Variants in ETS1 observed in about 807,000 individuals in gnomAD.
ETS1 encodes ETS proto-oncogene 1, transcription factor, also known as protein C-ets-1.
A neutral mutation model predicts 58.6 loss-of-function variants in ETS1; 15 were observed. The ratio of observed to expected loss-of-function variants is 0.26; its 90% confidence interval spans 0.17 to 0.39. The LOEUF is 0.39. Among genes scored for constraint, ETS1 ranks in the 10% least tolerant of loss-of-function variants. The probability of loss-of-function intolerance (pLI) is 1.00; values close to 1 mark genes in which losing one functional copy is unlikely to be tolerated. For missense variants in ETS1, 417 were observed against 610.5 expected (o/e 0.68, Z 3.34); for synonymous variants, 214 against 218.2 (o/e 0.98, Z 0.17).
intron 1 of ETS1, among the ~76,000 whole-genome samples, chr11:128,577,429 C>T (rs1213189604): frequency 6.6e-6 from 1 of 152,202 alleles, no homozygotes; most frequent in Non-Finnish European, 1.5e-5. Context: ...TGTTCGTTGT[C>T]TTCTCCAAAG....
At chr11:128,584,486 C>G (rs1432958547) in intron 1 of ETS1, among the ~76,000 whole-genome samples, 1 of 152,122 alleles carries the variant, frequency 6.6e-6, no homozygotes, top group East Asian at 1.9e-4. Flanking sequence ...GTGCCCACCT[C>G]AAAACTTCAT....
At position 128,463,889 on chromosome 11, in the gene ETS1, T is replaced by G; in HGVS notation, c.1124-262A>C. On this transcript the variant is annotated intron_variant, in intron 8 of 9. Transcript: ENST00000392668. The surrounding 1 kb of genome is among the most constrained non-coding windows in gnomAD (Gnocchi z 4.1). ...GATTAACTTAAGGATCGGTTCATTTTTATTGCTAAACAAATTCTAGAAAGA... is the reference window on the plus strand; with the variant it reads ...GATTAACTTAAGGATCGGTTCATTTGTATTGCTAAACAAATTCTAGAAAGA... 1 of 251,500 alleles carries G rather than the reference T, an allele frequency of 4.0e-6. No individual in the cohort carries two copies. Among genetic ancestry groups the G allele is most frequent in the Non-Finnish European group, 7.7e-6 (1 of 129,838 alleles). 15.6% of individuals were successfully genotyped at this position (251,500 alleles called of 1,614,324 possible). A position where few individuals can be genotyped will look rare whatever the true frequency, so the allele number is the denominator to read the frequency against.
At chr11:128,491,192 C>G (rs944631419) in intron 3 of ETS1, among the ~76,000 whole-genome samples, 1 of 152,126 alleles carries the variant, frequency 6.6e-6, no homozygotes, top group African/African-American at 2.4e-5. Context: ...TTTCAGTTAC[C>G]TATGAAAATG....
intron 3 of ETS1, among the ~76,000 whole-genome samples, chr11:128,491,902 TA>T (rs1862812192): frequency 1.3e-5 from 2 of 152,224 alleles, no homozygotes; most frequent in African/African-American, 4.8e-5. Flanking sequence ...ACATGCACCT[TA>T]ATCTCTGCTA....
chr11:128,490,793 A>G (rs1565378767), intron 3 of ETS1, among the ~76,000 whole-genome samples: 1 of 144,282 alleles, frequency 6.9e-6, no homozygotes, highest in South Asian at 2.1e-4. Flanking sequence ...ATCTCAGCTC[A>G]CTACAACCTC....
In ETS1 at chr11:128,584,989, AGGAAG is replaced by A. The variant is rs796290512; in HGVS notation, c.-15+2494_-15+2498del. On this transcript the variant is annotated intron_variant, in intron 1 of 9. Coordinates refer to ENST00000392668, the MANE Select transcript of ETS1 (RefSeq NM_001143820.2). The stretch of plus-strand genomic sequence containing the variant: ...AAGAAAGAAAGAAAGAAAGAAAGAA[AGGAAG>A]GAAGGAAGGAAAGAAAGGAAAGAAA... 6.2e-4 allele frequency among the ~76,000 whole-genome samples: 32 copies of A among 51,210 alleles called. 1 individual carries two copies. Among genetic ancestry groups the A allele is most frequent in the Middle Eastern group, 6.8e-3 (1 of 148 alleles). 33.6% of individuals were successfully genotyped at this position (51,210 alleles called of 152,430 possible). A position where few individuals can be genotyped will look rare whatever the true frequency, so the allele number is the denominator to read the frequency against.
chr11:128,463,788 C>A lies in ETS1; in HGVS notation c.1124-161G>T. 1 of 526,950 alleles carries A rather than the reference C, an allele frequency of 1.9e-6. No individual in the cohort carries two copies. The highest frequency in any genetic ancestry group is 3.4e-6 in the Non-Finnish European group (1 of 290,352). 32.6% of individuals were successfully genotyped at this position (526,950 alleles called of 1,614,324 possible). A position where few individuals can be genotyped will look rare whatever the true frequency, so the allele number is the denominator to read the frequency against. ...CACATGTCGGAGGAAGTGTTATGAG[C>A]TCGAACAGATAGAAAAGACAAAGGC... is the stretch of plus-strand genomic sequence containing the variant. On this transcript the variant is annotated intron_variant, in intron 8 of 9. Coordinates refer to ENST00000392668, the MANE Select transcript of ETS1 (RefSeq NM_001143820.2). This position sits in a 1 kb window ranked among gnomAD's most constrained non-coding sequence, Gnocchi z 4.1.
At chr11:128,488,972 G>A (rs188964034) in intron 5 of ETS1, among the ~76,000 whole-genome samples, 132 of 152,332 alleles carry the variant, frequency 8.7e-4, no homozygotes, top group African/African-American at 3.1e-3. Flanking sequence ...TGGGTTGGCT[G>A]TGGGCACTGC....
intron 3 of ETS1, among the ~76,000 whole-genome samples, chr11:128,515,713 C>T (rs917928451): frequency 2.0e-5 from 3 of 152,102 alleles, no homozygotes; most frequent in Admixed American, 6.6e-5. Flanking sequence ...GTAAATTATA[C>T]GATTTTCTAT....
intron 3 of ETS1, among the ~76,000 whole-genome samples, chr11:128,534,001 C>T (rs552426774): frequency 1.1e-4 from 16 of 152,340 alleles, no homozygotes; most frequent in Admixed American, 2.6e-4. Flanking sequence ...CTTCCAGCTT[C>T]GCTACAGATG....
At position 128,549,545 on chromosome 11, in the gene ETS1, C is replaced by G. The variant is rs1249637976; in HGVS notation, c.214+6746G>C. The stretch of plus-strand genomic sequence containing the variant: ...GAGAACGTTTTTTCTCTCCGCAGCC[C>G]CCTGGGAGTCCCAGCGCAATGCTGT... On this transcript the variant is annotated intron_variant, in intron 3 of 9. Transcript: ENST00000392668. The surrounding 1 kb of genome is among the most constrained non-coding windows in gnomAD (Gnocchi z 4.3). 1.3e-5 allele frequency among the ~76,000 whole-genome samples: 2 copies of G among 152,164 alleles called. No individual in the cohort carries two copies. Among genetic ancestry groups the G allele is most frequent in the Non-Finnish European group, 2.9e-5 (2 of 68,024 alleles).
chr11:128,497,971 G>A (rs1459873814), intron 3 of ETS1, among the ~76,000 whole-genome samples: 1 of 148,960 alleles, frequency 6.7e-6, no homozygotes, highest in Non-Finnish European at 1.5e-5. Context: ...TAAACATTGG[G>A]CAAATGGCCT....
rs146749833 is a variant in ETS1, at chr11:128,524,841, A to G, written c.214+31450T>C. Among the ~76,000 whole-genome samples, 124 of 152,298 alleles carry G rather than the reference A, an allele frequency of 8.1e-4. 2 individuals carry two copies. The East Asian group carries it at 0.013, about 16-fold the overall frequency. On this transcript the variant is annotated intron_variant, in intron 3 of 9. Coordinates refer to ENST00000392668, the MANE Select transcript of ETS1 (RefSeq NM_001143820.2). ...ATGCTCTGGCTTGTGAAGATGAACT[A>G]AAAAGTGTCAGAGGCTGTGCCCTTT...
At chr11:128,571,446 G>A (rs1864627361) in intron 2 of ETS1, among the ~76,000 whole-genome samples, 1 of 130,806 alleles carries the variant, frequency 7.6e-6, no homozygotes, top group Non-Finnish European at 1.6e-5. Flanking sequence ...ACTCCGTCCA[G>A]CCTGGGCGAC....
At chr11:128,522,304 C>A (rs904864161) in intron 3 of ETS1, 24 of 1,076,406 alleles carry the variant, frequency 2.2e-5, no homozygotes, top group Non-Finnish European at 2.7e-5. Context: ...CGTTCGCTCT[C>A]GATCTCCCGG....
At chr11:128,585,104 G>A (rs1171284583) in intron 1 of ETS1, among the ~76,000 whole-genome samples, 1 of 16,496 alleles carries the variant, frequency 6.1e-5, no homozygotes, top group Non-Finnish European at 1.0e-4. Flanking sequence ...AGAAAGAAAG[G>A]AAGGAAGGAA....
intron 8 of ETS1, among the ~76,000 whole-genome samples, chr11:128,470,843 T>A (rs900782847): frequency 2.0e-5 from 3 of 152,322 alleles, no homozygotes; most frequent in Non-Finnish European, 2.9e-5. Context: ...ATATTTTCAA[T>A]GAGAATAAGC....
At position 128,585,197 on chromosome 11, in the gene ETS1, A is replaced by G. The variant is rs867996703; in HGVS notation, c.-15+2291T>C. Reference sequence around the variant, plus strand: ...AAGAAAGAAAGAAAGAAGGAAGGAAAGAAAGAAAGAAAGAAAGAAAGAAAG... The same window carrying G: ...AAGAAAGAAAGAAAGAAGGAAGGAAGGAAAGAAAGAAAGAAAGAAAGAAAG... On this transcript the variant is annotated intron_variant, in intron 1 of 9. Transcript: ENST00000392668. Among the ~76,000 whole-genome samples, 21 of 90,772 alleles carry G rather than the reference A, an allele frequency of 2.3e-4. 2 individuals are homozygous for G. Among genetic ancestry groups the G allele is most frequent in the South Asian group, 6.8e-4 (2 of 2,930 alleles). The allele number at this position is 90,772 out of a possible 152,430, so 59.5% of individuals were successfully genotyped here.
chr11:128,555,221 C>T (rs1405657445), intron 3 of ETS1, among the ~76,000 whole-genome samples: 2 of 152,172 alleles, frequency 1.3e-5, no homozygotes, highest in Non-Finnish European at 2.9e-5. Context: ...CATGGAGTGC[C>T]ACAGCATCTT....
Sources: allele counts gnomAD v4.1 joint callset (sites outside exome capture counted in the v4.1 genomes callset), GRCh38; gene constraint gnomAD v4.1.1; non-coding constraint Gnocchi (gnomAD v3.1); transcripts MANE v1.5; gene names NCBI Gene and HGNC (gene_info 2026-07-23, HGNC 2026-07-21).